Variants in JAKMIP2 observed in about 807,000 individuals in gnomAD.
The protein encoded by JAKMIP2 is janus kinase and microtubule-interacting protein 2.
In JAKMIP2, 25 loss-of-function variants were observed where a neutral mutation model predicts 115.0. The ratio of observed to expected loss-of-function variants is 0.22; its 90% CI spans 0.16 to 0.30. JAKMIP2 has a LOEUF of 0.30. Ranked by LOEUF, JAKMIP2 falls within the 10% of genes least tolerant of loss-of-function variation. The pLI is 1.00. For missense variants in JAKMIP2, 642 were observed against 957.6 expected (o/e 0.67, Z 4.35); for synonymous variants, 334 against 343.6 (o/e 0.97, Z 0.31).
At chr5:147,725,223 C>G (rs1027924692) in intron 1 of JAKMIP2, among the ~76,000 whole-genome samples, 9 of 152,140 alleles carry the variant, frequency 5.9e-5, no homozygotes, top group African/African-American at 1.9e-4. Context: ...GATAAACTCT[C>G]GGTTCCGGGA....
chr5:147,705,287 GAC>G (rs1464439155), intron 1 of JAKMIP2, among the ~76,000 whole-genome samples: 2 of 152,098 alleles, frequency 1.3e-5, no homozygotes, highest in Non-Finnish European at 2.9e-5. Flanking sequence ...TTCACTCAGA[GAC>G]AGTGAATGGT....
intron 1 of JAKMIP2, among the ~76,000 whole-genome samples, chr5:147,772,862 C>T (rs910994499): frequency 6.6e-6 from 1 of 151,904 alleles, no homozygotes; most frequent in African/African-American, 2.4e-5. Flanking sequence ...AAGAAAAATG[C>T]CTACTTCACC....
At chr5:147,684,296 AACACACAC>A (rs10565596) in intron 1 of JAKMIP2, among the ~76,000 whole-genome samples, 35,552 of 147,300 alleles carry the variant, frequency 0.24, 4,719 homozygotes, top group African/African-American at 0.34. Flanking sequence ...AGTGCCAGAG[AACACACAC>A]ACACACACAC....
intron 1 of JAKMIP2, among the ~76,000 whole-genome samples, chr5:147,766,463 A>G (rs894640324): frequency 6.6e-6 from 1 of 152,178 alleles, no homozygotes; most frequent in Non-Finnish European, 1.5e-5. Flanking sequence ...ATCAGCTGGT[A>G]GCTGAACAAA....
intron 1 of JAKMIP2, among the ~76,000 whole-genome samples, chr5:147,721,845 G>C (rs563707828): frequency 1.3e-5 from 2 of 152,106 alleles, no homozygotes; most frequent in Non-Finnish European, 2.9e-5. Context: ...GACCGGAGCC[G>C]TTCCTATTCG....
chr5:147,776,419 C>T (rs1256560508), intron 1 of JAKMIP2, among the ~76,000 whole-genome samples: 1 of 152,172 alleles, frequency 6.6e-6, no homozygotes, highest in African/African-American at 2.4e-5. Flanking sequence ...TGAAGAAGGA[C>T]ATGCTTGCTT....
At chr5:147,645,527 G>GA (rs1261896864) in intron 5 of JAKMIP2, among the ~76,000 whole-genome samples, 1 of 152,002 alleles carries the variant, frequency 6.6e-6, no homozygotes, top group Non-Finnish European at 1.5e-5. Context: ...TTATCGAGGG[G>GA]AAAAAAACCA....
In JAKMIP2 at chr5:147,591,658, C is replaced by T. The variant is rs2126544069; in HGVS notation, c.*49G>A. On this transcript the variant is annotated 3_prime_UTR_variant, in exon 22 of 22. Coordinates refer to ENST00000616793, the MANE Select transcript of JAKMIP2 (RefSeq NM_001270941.2). ...TGAAGGTTTAGAAGCACTTGTCTTC[C>T]TGGGATCTTATCCATGTTTTCGGTT... 1 of 1,594,924 alleles carries T rather than the reference C, an allele frequency of 6.3e-7. No homozygotes were observed. Among genetic ancestry groups the T allele is most frequent in the African/African-American group, 1.3e-5 (1 of 74,432 alleles).
At chr5:147,781,907 G>C (rs948904795) in intron 1 of JAKMIP2, among the ~76,000 whole-genome samples, 7 of 152,064 alleles carry the variant, frequency 4.6e-5, no homozygotes, top group Admixed American at 1.3e-4. Flanking sequence ...TCAAATCTAC[G>C]TATAAAATAA....
intron 1 of JAKMIP2, among the ~76,000 whole-genome samples, chr5:147,678,243 C>A (rs1580766394): frequency 6.6e-6 from 1 of 152,296 alleles, no homozygotes; most frequent in East Asian, 1.9e-4. Context: ...ACCTCATGAA[C>A]TGCCCACCTC....
chr5:147,625,945 T>C (rs1344001958), intron 16 of JAKMIP2, among the ~76,000 whole-genome samples: 1 of 152,142 alleles, frequency 6.6e-6, no homozygotes, highest in Admixed American at 6.5e-5. Context: ...TGGCATTGAG[T>C]GCAGTATCCA....
At chr5:147,695,361 C>T (rs1272900414) in intron 1 of JAKMIP2, among the ~76,000 whole-genome samples, 4 of 152,136 alleles carry the variant, frequency 2.6e-5, no homozygotes, top group Admixed American at 6.5e-5. Context: ...TCCAGACTTC[C>T]TTTTCATAGA....
At chr5:147,600,087 G>GTTTTTTTTTTTTTTT (rs369043130) in intron 21 of JAKMIP2, among the ~76,000 whole-genome samples, 1 of 67,942 alleles carries the variant, frequency 1.5e-5, no homozygotes, top group Non-Finnish European at 2.8e-5. Flanking sequence ...TTTATTTACT[G>GTTTTTTTTTTTTTTT]TTTTTTTTTT....
chr5:147,650,836 A>C (rs1304927858), intron 3 of JAKMIP2, among the ~76,000 whole-genome samples: 1 of 152,204 alleles, frequency 6.6e-6, no homozygotes, highest in African/African-American at 2.4e-5. Context: ...AGATATGCAA[A>C]GGACAGTCTA....
intron 1 of JAKMIP2, among the ~76,000 whole-genome samples, chr5:147,764,941 AGAGAGGG>A (rs1580895433): frequency 2.1e-5 from 2 of 93,340 alleles, no homozygotes; most frequent in East Asian, 3.5e-4. Flanking sequence ...AGAGAGAGAG[AGAGAGGG>A]AGAGAGAGAG....
At chr5:147,603,738 C>A (rs1279740226) in intron 20 of JAKMIP2, among the ~76,000 whole-genome samples, 1 of 152,098 alleles carries the variant, frequency 6.6e-6, no homozygotes, top group African/African-American at 2.4e-5. Context: ...ATTATTACCC[C>A]ATTATCATAA....
chr5:147,728,671 C>A (rs1034227115), intron 1 of JAKMIP2, among the ~76,000 whole-genome samples: 3 of 152,096 alleles, frequency 2.0e-5, no homozygotes, highest in Non-Finnish European at 2.9e-5. Flanking sequence ...AAACTAATGC[C>A]TTTTAGTTCA....
chr5:147,629,856 A>C (rs1757279240), intron 14 of JAKMIP2, 110 bp from the exon 15 acceptor site: 2 of 778,882 alleles, frequency 2.6e-6, no homozygotes, highest in Admixed American at 2.5e-5. Flanking sequence ...CTTCCTTGGG[A>C]TGTTTTCAAT....
intron 2 of JAKMIP2, among the ~76,000 whole-genome samples, chr5:147,669,673 C>T (rs1759481733): frequency 6.6e-6 from 1 of 152,150 alleles, no homozygotes; most frequent in African/African-American, 2.4e-5. Context: ...AAGGAGTCTG[C>T]CTCCCTTGAA....
Sources: gnomAD v4.1 joint callset for allele counts (sites outside exome capture counted in the v4.1 genomes callset) on GRCh38, gnomAD v4.1.1 for gene constraint, MANE v1.5 for transcripts, NCBI Gene and HGNC (gene_info 2026-07-23, HGNC 2026-07-21) for gene names.